The following SGCZ variants were observed in gnomAD, a reference collection of about 807,000 sequenced individuals.
The protein encoded by SGCZ is sarcoglycan zeta, also known as zeta-sarcoglycan.
A neutral mutation model predicts 41.3 loss-of-function variants in SGCZ; 40 were observed. That is an observed-to-expected ratio of 0.97 (90% CI 0.75 to 1.26). SGCZ has a LOEUF of 1.26. Ranked by LOEUF, SGCZ falls within the 50% of genes most tolerant of loss-of-function variation. The pLI is 0.00. For synonymous variants in SGCZ, 206 were observed against 137.5 expected, an observed-to-expected ratio of 1.50 and a Z score of -3.49; for missense variants, 552 against 369.8, an observed-to-expected ratio of 1.49 and a Z score of -4.04.
intron 1 of SGCZ, among the ~76,000 whole-genome samples, chr8:14,771,009 T>G (rs1791937159): frequency 6.6e-6 from 1 of 152,148 alleles, no homozygotes; most frequent in African/African-American, 2.4e-5. Flanking sequence ...CTTCAATAGC[T>G]TGGCTTTTTC....
intron 1 of SGCZ, among the ~76,000 whole-genome samples, chr8:15,155,962 G>A (rs1799317749): frequency 6.7e-6 from 1 of 149,892 alleles, no homozygotes; most frequent in South Asian, 2.1e-4. Context: ...AGAGGCCGAA[G>A]CAGGAGAATC....
chr8:14,401,749 C>T (rs991143167), intron 2 of SGCZ, among the ~76,000 whole-genome samples: 52 of 151,510 alleles, frequency 3.4e-4, no homozygotes, highest in African/African-American at 1.2e-3. Context: ...AATAAACATA[C>T]GTGTGCATGT....
chr8:14,333,403 G>A (rs889595073), intron 2 of SGCZ, among the ~76,000 whole-genome samples: 1 of 152,010 alleles, frequency 6.6e-6, no homozygotes, highest in East Asian at 1.9e-4. Context: ...TAAGTAGGGG[G>A]CTGAGGGACT....
chr8:14,421,513 T>A (rs1005976921), intron 2 of SGCZ, among the ~76,000 whole-genome samples: 1 of 152,076 alleles, frequency 6.6e-6, no homozygotes, highest in African/African-American at 2.4e-5. Context: ...GTGTCCAAAT[T>A]TGAAATTCCT....
chr8:14,992,370 T>C (rs1456096643), intron 1 of SGCZ, among the ~76,000 whole-genome samples: 3 of 149,010 alleles, frequency 2.0e-5, no homozygotes, highest in Admixed American at 6.7e-5. Context: ...CCAAAACCAA[T>C]GTTACCCTTG....
intron 1 of SGCZ, among the ~76,000 whole-genome samples, chr8:15,014,404 A>T (rs1048981079): frequency 2.6e-5 from 4 of 152,322 alleles, no homozygotes; most frequent in Non-Finnish European, 5.9e-5. Context: ...CAGGAATGGT[A>T]GCTTCATTTT....
At chr8:14,890,518 A>G (rs1299872181) in intron 1 of SGCZ, among the ~76,000 whole-genome samples, 1 of 152,202 alleles carries the variant, frequency 6.6e-6, no homozygotes, top group African/African-American at 2.4e-5. Context: ...AGGAAGCTCA[A>G]CAAGAAAAGT....
intron 1 of SGCZ, among the ~76,000 whole-genome samples, chr8:14,566,234 T>A (rs1204689830): frequency 6.6e-6 from 1 of 152,242 alleles, no homozygotes. Context: ...TTTTATTCTC[T>A]TGAATTATTT....
chr8:14,648,393 T>A (rs961156759), intron 1 of SGCZ, among the ~76,000 whole-genome samples: 1 of 152,084 alleles, frequency 6.6e-6, no homozygotes, highest in Non-Finnish European at 1.5e-5. Context: ...AAGTGTTTGA[T>A]GTGTTTGAGT....
At chr8:14,964,108 T>A (rs1315690531) in intron 1 of SGCZ, among the ~76,000 whole-genome samples, 1 of 152,182 alleles carries the variant, frequency 6.6e-6, no homozygotes. Flanking sequence ...CATCTGTAAA[T>A]GGAAAGGTTT....
chr8:14,709,956 A>G (rs1336686880), intron 1 of SGCZ, among the ~76,000 whole-genome samples: 2 of 152,200 alleles, frequency 1.3e-5, no homozygotes, highest in Non-Finnish European at 1.5e-5. Context: ...CAGCAAAATA[A>G]TAGAGAAACT....
Position 14,129,181 on chromosome 8 carries a change from A to G in SGCZ, c.548-20946T>C, listed in dbSNP as rs578129441. 2.1e-5 allele frequency among the ~76,000 whole-genome samples: 3 copies of G among 144,042 alleles called. No homozygotes were observed. In the South Asian group the frequency reaches 7.5e-4, roughly 36 times the overall value. The allele number at this position is 144,042 out of a possible 152,430, so 94.5% of individuals were successfully genotyped here. A position where few individuals can be genotyped will look rare whatever the true frequency, so the allele number is the denominator to read the frequency against. ...GGCCAACATGGTGAAACCCCTCTCT[A>G]CTAAAAATACAAAAAAAAGCTGGGT... is the stretch of plus-strand genomic sequence containing the variant. On this transcript the variant is annotated intron_variant, in intron 5 of 7. Transcript: ENST00000382080.
At chr8:15,148,175 G>T (rs903639893) in intron 1 of SGCZ, among the ~76,000 whole-genome samples, 1 of 151,906 alleles carries the variant, frequency 6.6e-6, no homozygotes, top group African/African-American at 2.4e-5. Flanking sequence ...AAACATATCT[G>T]ACATAAAATA....
intron 1 of SGCZ, among the ~76,000 whole-genome samples, chr8:14,840,026 C>T (rs555012419): frequency 6.6e-6 from 1 of 152,036 alleles, no homozygotes; most frequent in South Asian, 2.1e-4. Context: ...TTACACTACA[C>T]CAGTAATGCG....
intron 1 of SGCZ, among the ~76,000 whole-genome samples, chr8:14,860,040 A>T (rs144376131): frequency 0.017 from 2,609 of 152,232 alleles, 41 homozygotes; most frequent in African/African-American, 0.046. Context: ...TCAAGGAATC[A>T]GCGTTCCCAA....
At chr8:14,553,547 G>A (rs997678940) in intron 2 of SGCZ, among the ~76,000 whole-genome samples, 4 of 151,988 alleles carry the variant, frequency 2.6e-5, no homozygotes, top group Admixed American at 1.3e-4. Context: ...TTCCCTCCAT[G>A]AGCACATGCT....
chr8:14,117,800 G>T lies in SGCZ; in HGVS notation c.548-9565C>A, dbSNP rs1463452166. On this transcript the variant is annotated intron_variant, in intron 5 of 7. Coordinates refer to ENST00000382080, the MANE Select transcript of SGCZ (RefSeq NM_139167.4). ...CTCCCTGTGTCCATGTGTTCTCATTGTTCAATTCCCACTTATGAGTGAGAA... is the reference window on the plus strand; with the variant it reads ...CTCCCTGTGTCCATGTGTTCTCATTTTTCAATTCCCACTTATGAGTGAGAA... 2.0e-5 allele frequency among the ~76,000 whole-genome samples: 3 copies of T among 151,158 alleles called. No homozygotes were observed. In the Admixed American group the frequency reaches 2.0e-4, roughly 10 times the overall value.
intron 1 of SGCZ, among the ~76,000 whole-genome samples, chr8:14,637,529 T>C (rs1281419510): frequency 6.6e-6 from 1 of 151,748 alleles, no homozygotes; most frequent in Non-Finnish European, 1.5e-5. Context: ...CATCCATACG[T>C]GCTCAGTGTT....
rs1284205303 is a variant in SGCZ at position 14,086,372 on chromosome 8, G to A, written c.*4071C>T. The stretch of plus-strand genomic sequence containing the variant: ...TGCCTCATACAGAGATACCATGTTT[G>A]CAATGAAATAATTTATTAGGAGTTT... On this transcript the variant is annotated 3_prime_UTR_variant, in exon 8 of 8. Transcript: ENST00000382080. Among the ~76,000 whole-genome samples, 3 of 151,638 alleles carry A rather than the reference G, an allele frequency of 2.0e-5. No homozygotes were observed. Among genetic ancestry groups the A allele is most frequent in the Non-Finnish European group, 4.4e-5 (3 of 67,730 alleles).
Sources: allele counts gnomAD v4.1 joint callset (sites outside exome capture counted in the v4.1 genomes callset), GRCh38; gene constraint gnomAD v4.1.1; transcripts MANE v1.5; gene names NCBI Gene and HGNC (gene_info 2026-07-23, HGNC 2026-07-21).